The following CELF3 variants were observed in gnomAD, a reference collection of about 807,000 sequenced individuals.
CELF3 encodes the protein CAG repeat domain.
CELF3 carries 26 observed loss-of-function variants against 59.6 expected under a neutral mutation model. The ratio of observed to expected loss-of-function variants is 0.44; its 90% CI spans 0.32 to 0.61. The LOEUF (loss-of-function observed/expected upper bound fraction) is 0.61. CELF3 is among the 20% of genes least tolerant of loss of function. The pLI, the probability that CELF3 is intolerant of heterozygous loss-of-function variation, is 0.06. For synonymous variants in CELF3, 245 were observed against 250.7 expected, an observed-to-expected ratio of 0.98 and a Z score of 0.22; for missense variants, 387 against 627.2, an observed-to-expected ratio of 0.62 and a Z score of 4.09.
chr1:151,710,402 TCCCCGTCG>T, intron 2 of CELF3: 1 of 294,808 alleles, frequency 3.4e-6, no homozygotes, highest in Non-Finnish European at 6.8e-6. Context: ...GATTTATCCG[TCCCCGTCG>T]CCCTGGCGAC....
chr1:151,705,821 C>A lies in CELF3; in HGVS notation c.1270+1G>T. The A allele has an allele frequency of 6.2e-7, 1 of 1,613,976 alleles. No individual in the cohort carries two copies. The highest frequency in any genetic ancestry group is 8.5e-7 in the Non-Finnish European group (1 of 1,179,954). On this transcript the variant is annotated splice_donor_variant, in intron 11 of 12. Coordinates refer to ENST00000290583, the MANE Select transcript of CELF3 (RefSeq NM_007185.7). LOFTEE classifies it high-confidence loss of function. The surrounding 1 kb of genome is among the most constrained non-coding windows in gnomAD (Gnocchi z 5.1). ...AAAAATGTGCCATATCATATTCTTA[C>A]CAAAACATTTGCTTTGATTGGTGGC...
Position 151,703,185 on chromosome 1 carries a change from C to T in CELF3, c.*274G>A, listed in dbSNP as rs764687570. The T allele has an allele frequency of 1.5e-5, 7 of 459,328 alleles. No homozygotes were observed. The highest frequency in any genetic ancestry group is 2.6e-5 in the Non-Finnish European group (6 of 228,722). The allele number at this position is 459,328 out of a possible 1,614,324, so 28.5% of individuals were successfully genotyped here. Reference sequence around the variant, plus strand: ...GGAGCCCAGCAGAAGGCAGATACCCCGGAGCCTTCGAGCCTGTTCCTCGCT... The same window carrying T: ...GGAGCCCAGCAGAAGGCAGATACCCTGGAGCCTTCGAGCCTGTTCCTCGCT... On this transcript the variant is annotated 3_prime_UTR_variant, in exon 13 of 13. Coordinates refer to ENST00000290583, the MANE Select transcript of CELF3 (RefSeq NM_007185.7).
rs1672426181 is a variant in CELF3, at chr1:151,705,444, C to T, written c.1271-276G>A. Among the ~76,000 whole-genome samples, 1 of 152,212 alleles carries T rather than the reference C, an allele frequency of 6.6e-6. No homozygotes were observed. Among genetic ancestry groups the T allele is most frequent in the Non-Finnish European group, 1.5e-5 (1 of 68,042 alleles). ...CCTGCCCTTTGAAAACGGCCACTTCCAGACCCTAAATGGCTTCTGAAGCAG... is the reference window on the plus strand; with the variant it reads ...CCTGCCCTTTGAAAACGGCCACTTCTAGACCCTAAATGGCTTCTGAAGCAG... On this transcript the variant is annotated intron_variant, in intron 11 of 12. Coordinates refer to ENST00000290583, the MANE Select transcript of CELF3 (RefSeq NM_007185.7). This position sits in a 1 kb window ranked among gnomAD's most constrained non-coding sequence, Gnocchi z 5.1.
rs1207792397 is a variant in CELF3 at position 151,709,667 on chromosome 1, G to T, written c.277+76C>A. On this transcript the variant is annotated intron_variant, in intron 3 of 12. Transcript: ENST00000290583. This position sits in a 1 kb window ranked among gnomAD's most constrained non-coding sequence, Gnocchi z 4.9. The stretch of plus-strand genomic sequence containing the variant: ...CATCAGGCTTTCTCCCTCAAGAAAG[G>T]CTACCCCTCGACAACTCCAGGCCCT... The T allele has an allele frequency of 7.1e-7, 1 of 1,412,486 alleles. No homozygotes were observed. Among genetic ancestry groups the T allele is most frequent in the Non-Finnish European group, 1.0e-6 (1 of 996,020 alleles). The allele number at this position is 1,412,486 out of a possible 1,614,324, so 87.5% of individuals were successfully genotyped here.
chr1:151,708,998 T>C lies in CELF3; in HGVS notation c.486A>G (p.Pro162=). 6.2e-7 allele frequency: 1 copy of C among 1,613,266 alleles called. No homozygotes were observed. Among genetic ancestry groups the C allele is most frequent in the Non-Finnish European group, 8.5e-7 (1 of 1,179,802 alleles). The part of the protein sequence containing the change: ...INTLHSSRTL[P]GASSSLVVKF... ...CCGGGGGCAGGGGAGTGGGGCTCAC[T>C]GGCAGGGTCCGGCTGCTGTGAAGGG... Residue 162 remains proline (P), a splice_region_variant and synonymous_variant, in exon 5 of 13, where the codon CCA becomes CCG. Coordinates refer to ENST00000290583, the MANE Select transcript of CELF3 (RefSeq NM_007185.7).
intron 1 of CELF3, 63 bp downstream of exon 1, chr1:151,715,813 G>C: frequency 1.3e-6 from 2 of 1,595,004 alleles, no homozygotes; most frequent in Non-Finnish European, 1.7e-6. Flanking sequence ...CCTCCAGCCT[G>C]GCTTAACTTC....
At position 151,700,767 on chromosome 1, in the gene CELF3, A is replaced by G. The variant is rs958723332; in HGVS notation, c.*2692T>C. Among the ~76,000 whole-genome samples, 2 of 152,250 alleles carry G rather than the reference A, an allele frequency of 1.3e-5. No individual in the cohort carries two copies. The highest frequency in any genetic ancestry group is 4.1e-4 in the South Asian group (2 of 4,834). ...AATACCATTGAGTTTATGCGAAAGT[A>G]CTAAAAACTCTTGAGGTTTTCTGTC... On this transcript the variant is annotated 3_prime_UTR_variant, in exon 13 of 13. Coordinates refer to ENST00000290583, the MANE Select transcript of CELF3 (RefSeq NM_007185.7).
chr1:151,702,369 T>TC lies in CELF3; in HGVS notation c.*1089dup, dbSNP rs746896258. On this transcript the variant is annotated 3_prime_UTR_variant, in exon 13 of 13. Transcript: ENST00000290583. ...CCTTCCCAGTGTGGGTAGGGAACAA[T>TC]CCCCTACCCTCAACCTTCCAAGACT... 6.6e-6 allele frequency: 1 copy of TC among 152,152 alleles called. No homozygotes were observed. The highest frequency in any genetic ancestry group is 2.1e-4 in the South Asian group (1 of 4,808). The allele number at this position is 152,152 out of a possible 1,614,324, so 9.4% of individuals were successfully genotyped here. A position where few individuals can be genotyped will look rare whatever the true frequency, so the allele number is the denominator to read the frequency against.
Position 151,714,690 on chromosome 1 carries a change from G to A in CELF3, c.146-14C>T. On this transcript the variant is annotated splice_polypyrimidine_tract_variant and intron_variant, in intron 1 of 12. Transcript: ENST00000290583. ...GGAAGGCACATCCTGAGGAGGGGCAGGGGCAGAGAAACACGGCGGGGGGTG... is the reference window on the plus strand; with the variant it reads ...GGAAGGCACATCCTGAGGAGGGGCAAGGGCAGAGAAACACGGCGGGGGGTG... 2 of 1,550,514 alleles carry A rather than the reference G, an allele frequency of 1.3e-6. No homozygotes were observed. The highest frequency in any genetic ancestry group is 8.7e-7 in the Non-Finnish European group (1 of 1,145,178).
chr1:151,716,275 C>A lies in CELF3; in HGVS notation c.-255G>T, dbSNP rs1673472344. 2.2e-6 allele frequency: 1 copy of A among 455,426 alleles called. No homozygotes were observed. 28.2% of individuals were successfully genotyped at this position (455,426 alleles called of 1,614,324 possible). On this transcript the variant is annotated 5_prime_UTR_variant, in exon 1 of 13. Transcript: ENST00000290583. ...GGGGCATCGCCTAAACAAACGATCT[C>A]CCTCCCAGAGATCTGGCAAATGTCC...
rs1431362155 is a variant in CELF3, at chr1:151,701,432, C to T, written c.*2027G>A. Among the ~76,000 whole-genome samples, 1 of 152,178 alleles carries T rather than the reference C, an allele frequency of 6.6e-6. No individual in the cohort carries two copies. The highest frequency in any genetic ancestry group is 1.5e-5 in the Non-Finnish European group (1 of 68,040). On this transcript the variant is annotated 3_prime_UTR_variant, in exon 13 of 13. Transcript: ENST00000290583. ...TGCAGTCCACCCTCTACCTGAAGGA[C>T]TCACTCCTAAGCCTGCTTGCTACTT... is the stretch of plus-strand genomic sequence containing the variant.
At chr1:151,710,097 C>T (rs961495781) in intron 2 of CELF3, 1 of 397,040 alleles carries the variant, frequency 2.5e-6, no homozygotes, top group Non-Finnish European at 4.7e-6. Flanking sequence ...CACATAGGAC[C>T]CGGGGCCTGA....
intron 2 of CELF3, among the ~76,000 whole-genome samples, chr1:151,713,779 GGT>G (rs1673226126): frequency 1.3e-5 from 2 of 152,214 alleles, no homozygotes; most frequent in South Asian, 4.1e-4. Context: ...TGGGCGTGGG[GGT>G]TTGGGTGGAT....
chr1:151,714,307 A>C, intron 2 of CELF3: 1 of 581,950 alleles, frequency 1.7e-6, no homozygotes, highest in Non-Finnish European at 3.0e-6. Context: ...CCAACCAGCG[A>C]GTCCTCCCTC....
Position 151,707,218 on chromosome 1 carries a change from G to C in CELF3, c.849C>G (p.Ser283Arg). ...GCCCAGTGGGCTGGGTGGGCACCGG[G>C]CTGTAGCCGTTGACGCCCAGGGCAG... ...IPAALGVNGY[S>R]PVPTQPTGQP... The change falls in exon 8 of 13, where the codon AGC becomes AGG. Residue 283 changes from serine to arginine, a missense_variant. Physicochemically the swap from Ser to Arg is moderately radical, Grantham distance 110. This residue lies in a region of CELF3 where 131 missense variants were observed against 153.7 expected (regional missense o/e 0.85). Transcript: ENST00000290583. 6.4e-7 allele frequency: 1 copy of C among 1,550,816 alleles called. No individual in the cohort carries two copies. Among genetic ancestry groups the C allele is most frequent in the Non-Finnish European group, 8.7e-7 (1 of 1,152,036 alleles).
At chr1:151,710,594 G>A (rs1311576359) in intron 2 of CELF3, 2 of 456,050 alleles carry the variant, frequency 4.4e-6, no homozygotes, top group African/African-American at 2.0e-5. Flanking sequence ...CCCTGCAGGG[G>A]CCATCCCATC....
chr1:151,714,029 A>ACCTGCCCAGG (rs942149089), intron 2 of CELF3, among the ~76,000 whole-genome samples: 3 of 151,966 alleles, frequency 2.0e-5, no homozygotes, highest in Admixed American at 2.0e-4. Flanking sequence ...TCCAGCCCAG[A>ACCTGCCCAGG]CCTGCCCAGG....
At position 151,702,160 on chromosome 1, in the gene CELF3, GC is replaced by G. The variant is rs1672120219; in HGVS notation, c.*1298del. ...GGGACAGAGCTGGATACAGGGGAGA[GC>G]CCCCGACAGGGGAGATCTCCTTGTG... On this transcript the variant is annotated 3_prime_UTR_variant, in exon 13 of 13. Coordinates refer to ENST00000290583, the MANE Select transcript of CELF3 (RefSeq NM_007185.7). 6.6e-6 allele frequency among the ~76,000 whole-genome samples: 1 copy of G among 152,204 alleles called. No individual in the cohort carries two copies. The highest frequency in any genetic ancestry group is 6.5e-5 in the Admixed American group (1 of 15,290).
chr1:151,712,485 G>A (rs1163082204), intron 2 of CELF3, among the ~76,000 whole-genome samples: 5 of 152,176 alleles, frequency 3.3e-5, no homozygotes, highest in African/African-American at 1.2e-4. Flanking sequence ...CTTCCTGACT[G>A]CAGACCGACA....
Sources: allele counts gnomAD v4.1 joint callset (sites outside exome capture counted in the v4.1 genomes callset), GRCh38; gene constraint gnomAD v4.1.1; regional missense constraint gnomAD v4.1.1; non-coding constraint Gnocchi (gnomAD v3.1); transcripts MANE v1.5; gene names NCBI Gene and HGNC (gene_info 2026-07-23, HGNC 2026-07-21).